MGMT: variants seen among roughly 807,000 people sequenced by gnomAD.
The protein encoded by MGMT is O-6-methylguanine-DNA methyltransferase, also known as methylated-DNA--protein-cysteine methyltransferase.
Under a neutral mutation model 15.9 loss-of-function variants are expected in MGMT, and 14 were observed. The ratio of observed to expected loss-of-function variants is 0.88; its 90% confidence interval spans 0.58 to 1.37. The LOEUF is 1.37. MGMT is among the 40% of genes most tolerant of loss of function. The pLI is 0.00. For missense variants in MGMT, 282 were observed against 268.1 expected (o/e 1.05, Z -0.36); for synonymous variants, 130 against 118.2 (o/e 1.10, Z -0.65).
chr10:129,584,429 G>C (rs1443278018), intron 2 of MGMT, among the ~76,000 whole-genome samples: 1 of 130,096 alleles, frequency 7.7e-6, no homozygotes, highest in Non-Finnish European at 1.7e-5. Flanking sequence ...TTTTGTATAA[G>C]GCTTAATTTG....
chr10:129,494,902 C>G (rs1280366061), intron 1 of MGMT, among the ~76,000 whole-genome samples: 5 of 152,194 alleles, frequency 3.3e-5, no homozygotes, highest in Non-Finnish European at 7.3e-5. Flanking sequence ...TCACCAACTT[C>G]CTTCTCTGTG....
intron 2 of MGMT, among the ~76,000 whole-genome samples, chr10:129,552,800 T>C (rs1016521080): frequency 7.2e-5 from 11 of 152,252 alleles, no homozygotes; most frequent in Admixed American, 6.5e-4. Context: ...GGCACGGAAG[T>C]GCAAGCAGTC....
Position 129,708,685 on chromosome 10 carries a change from C to A in MGMT, c.274+642C>A, listed in dbSNP as rs891928180. Among the ~76,000 whole-genome samples the A allele has an allele frequency of 5.3e-5, 8 of 152,258 alleles. No individual in the cohort carries two copies. In the South Asian group the frequency reaches 1.7e-3, roughly 32 times the overall value. On this transcript the variant is annotated intron_variant, in intron 3 of 4. Coordinates refer to ENST00000651593, the MANE Select transcript of MGMT (RefSeq NM_002412.5). ...TTAATTACAGCAACTAAAATCATTC[C>A]AGACACATGCCAGAAATTTATTTTG...
intron 1 of MGMT, among the ~76,000 whole-genome samples, chr10:129,488,735 C>A (rs1228102478): frequency 1.3e-5 from 2 of 152,136 alleles, no homozygotes; most frequent in African/African-American, 4.8e-5. Context: ...AAATTAACTT[C>A]TGCTGTGGTA....
chr10:129,593,361 C>G (rs1483402349), intron 2 of MGMT, among the ~76,000 whole-genome samples: 2 of 152,132 alleles, frequency 1.3e-5, no homozygotes, highest in Non-Finnish European at 2.9e-5. Flanking sequence ...CCTGTGTTTC[C>G]TGCATTTGGG....
At chr10:129,689,908 C>T (rs968457419) in intron 2 of MGMT, among the ~76,000 whole-genome samples, 7 of 152,212 alleles carry the variant, frequency 4.6e-5, no homozygotes, top group Middle Eastern at 3.2e-3. Flanking sequence ...CTGCGTAATA[C>T]TGGAATTAAC....
intron 2 of MGMT, among the ~76,000 whole-genome samples, chr10:129,603,005 G>A (rs911690135): frequency 2.6e-5 from 4 of 152,114 alleles, no homozygotes; most frequent in Admixed American, 6.6e-5. Flanking sequence ...GCAACTATAC[G>A]AACCTATGTC....
intron 2 of MGMT, among the ~76,000 whole-genome samples, chr10:129,673,880 T>G (rs1167089834): frequency 6.6e-6 from 1 of 152,206 alleles, no homozygotes; most frequent in Non-Finnish European, 1.5e-5. Context: ...TACCTTTCTT[T>G]CCTACCTTTC....
At position 129,645,949 on chromosome 10, in the gene MGMT, C is replaced by T. The variant is rs550217935; in HGVS notation, c.126-61946C>T. Among the ~76,000 whole-genome samples the T allele has an allele frequency of 3.9e-5, 6 of 152,280 alleles. No individual in the cohort carries two copies. In the East Asian group the frequency reaches 9.7e-4, roughly 25 times the overall value. On this transcript the variant is annotated intron_variant, in intron 2 of 4. Coordinates refer to ENST00000651593, the MANE Select transcript of MGMT (RefSeq NM_002412.5). ...ACCAGCAGACCACTGCAGAAGGCAA[C>T]GCTGGCCTCCTAGAGGTGTGGCTTG...
intron 3 of MGMT, among the ~76,000 whole-genome samples, chr10:129,710,180 A>G (rs1848215117): frequency 6.6e-6 from 1 of 152,208 alleles, no homozygotes; most frequent in Non-Finnish European, 1.5e-5. Context: ...CTTGGTGACC[A>G]GGAAGACCTC....
intron 2 of MGMT, among the ~76,000 whole-genome samples, chr10:129,667,683 A>C (rs1464361943): frequency 6.6e-6 from 1 of 152,166 alleles, no homozygotes; most frequent in African/African-American, 2.4e-5. Context: ...AATTATTGTT[A>C]GTTTTCCAGT....
chr10:129,595,433 C>T (rs1241791763), intron 2 of MGMT, among the ~76,000 whole-genome samples: 1 of 152,190 alleles, frequency 6.6e-6, no homozygotes, highest in Non-Finnish European at 1.5e-5. Context: ...ACCTGGCGTC[C>T]ATCCTGAGCT....
chr10:129,742,263 T>C lies in MGMT; in HGVS notation c.275-16939T>C, dbSNP rs529278424. 8.1e-4 allele frequency among the ~76,000 whole-genome samples: 123 copies of C among 152,328 alleles called. 1 individual carries two copies. In the South Asian group the frequency reaches 0.022, roughly 27 times the overall value. On this transcript the variant is annotated intron_variant, in intron 3 of 4. Transcript: ENST00000651593. ...AAACTCCCTTTTTTCTTAAAAGTTA[T>C]TGGGCCAGAGGTCATGAATTCACCC...
intron 2 of MGMT, among the ~76,000 whole-genome samples, chr10:129,559,077 T>C (rs1846248094): frequency 6.6e-6 from 1 of 152,202 alleles, no homozygotes; most frequent in Non-Finnish European, 1.5e-5. Flanking sequence ...ACCAGGATGC[T>C]GTTTCTGCGT....
At position 129,646,741 on chromosome 10, in the gene MGMT, TA is replaced by T. The variant is rs1564747227; in HGVS notation, c.126-61153del. ...AGAAATATATATATATATATATATA[TA>T]TATATATATATATTTTCAGGGAATG... On this transcript the variant is annotated intron_variant, in intron 2 of 4. Transcript: ENST00000651593. 5.6e-3 allele frequency among the ~76,000 whole-genome samples: 596 copies of T among 106,976 alleles called. 37 individuals carry two copies. In the Middle Eastern group the frequency reaches 0.058, roughly 10 times the overall value. 70.2% of individuals were successfully genotyped at this position (106,976 alleles called of 152,430 possible).
chr10:129,753,765 C>T (rs1337670297), intron 3 of MGMT, among the ~76,000 whole-genome samples: 1 of 152,136 alleles, frequency 6.6e-6, no homozygotes, highest in Non-Finnish European at 1.5e-5. Flanking sequence ...ATGATTTCAA[C>T]TTTTGGGTCA....
intron 1 of MGMT, among the ~76,000 whole-genome samples, chr10:129,512,361 G>GC (rs1219266823): frequency 3.7e-4 from 56 of 152,212 alleles, no homozygotes; most frequent in South Asian, 6.2e-4. Context: ...TGTTTATTCT[G>GC]TTACACGTTA....
chr10:129,498,596 G>A (rs1845545794), intron 1 of MGMT, among the ~76,000 whole-genome samples: 1 of 152,056 alleles, frequency 6.6e-6, no homozygotes, highest in African/African-American at 2.4e-5. Flanking sequence ...ACTTAATTTT[G>A]TTACTCAAAT....
At chr10:129,734,169 A>C (rs1407566318) in intron 3 of MGMT, among the ~76,000 whole-genome samples, 1 of 148,874 alleles carries the variant, frequency 6.7e-6, no homozygotes, top group Non-Finnish European at 1.5e-5. Context: ...CATTTTCACG[A>C]TATTGATTCT....
Sources: allele counts gnomAD v4.1 joint callset (sites outside exome capture counted in the v4.1 genomes callset), GRCh38; gene constraint gnomAD v4.1.1; transcripts MANE v1.5; gene names NCBI Gene and HGNC (gene_info 2026-07-23, HGNC 2026-07-21).